COTL1: variants seen among roughly 807,000 people sequenced by gnomAD.
The protein encoded by COTL1 is coactosin like F-actin binding protein 1, also known as coactosin-like protein.
COTL1 carries 15 observed loss-of-function variants against 16.5 expected under a neutral mutation model. The ratio of observed to expected loss-of-function variants is 0.91; its 90% CI spans 0.61 to 1.40. The LOEUF is 1.40. Among genes scored for constraint, COTL1 ranks in the 40% most tolerant of loss-of-function variants. The probability of loss-of-function intolerance (pLI) is 0.00; values close to 1 mark genes in which losing one functional copy is unlikely to be tolerated. For missense variants in COTL1, 220 were observed against 201.5 expected, an observed-to-expected ratio of 1.09 and a Z score of -0.56; for synonymous variants, 112 against 85.3, an observed-to-expected ratio of 1.31 and a Z score of -1.73.
intron 2 of COTL1, among the ~76,000 whole-genome samples, chr16:84,602,910 C>T (rs1905130331): frequency 6.6e-6 from 1 of 152,172 alleles, no homozygotes; most frequent in Non-Finnish European, 1.5e-5. Flanking sequence ...CTGGAGTCAG[C>T]GATGCCAGAG....
chr16:84,594,214 T>A (rs1351766134), intron 2 of COTL1, among the ~76,000 whole-genome samples: 1 of 149,340 alleles, frequency 6.7e-6, no homozygotes, highest in Non-Finnish European at 1.5e-5. Flanking sequence ...ATGGGGTGAT[T>A]TCACGCCTCC....
intron 3 of COTL1, chr16:84,575,831 A>C (rs1265122055): frequency 6.6e-6 from 1 of 152,242 alleles, no homozygotes; most frequent in Admixed American, 6.5e-5. Context: ...AAATGCGGAC[A>C]ATAGCAGCTT....
chr16:84,597,655 C>G lies in COTL1; in HGVS notation c.161-7393G>C, dbSNP rs192158769. ...GGTGGAGAAGAGGAAATGGTGAGAA[C>G]TCACTGTTGGGAGAGGGGACGAGAC... On this transcript the variant is annotated intron_variant, in intron 2 of 3. Transcript: ENST00000262428. Among the ~76,000 whole-genome samples the G allele has an allele frequency of 9.2e-5, 14 of 152,320 alleles. No homozygotes were observed. The East Asian group carries it at 1.9e-3, about 21-fold the overall frequency.
At chr16:84,570,721 G>C (rs1251219122) in intron 3 of COTL1, among the ~76,000 whole-genome samples, 2 of 152,182 alleles carry the variant, frequency 1.3e-5, no homozygotes, top group African/African-American at 4.8e-5. Flanking sequence ...AAATAGAATG[G>C]AAGGTTATTT....
rs979881705 is a variant in COTL1 at position 84,618,012 on chromosome 16, C to A, written c.-98G>T. 401 of 717,544 alleles carry A rather than the reference C, an allele frequency of 5.6e-4. 2 individuals are homozygous for A. The highest frequency in any genetic ancestry group is 2.6e-3 in the Admixed American group (50 of 19,414). 44.4% of individuals were successfully genotyped at this position (717,544 alleles called of 1,614,324 possible). A position where few individuals can be genotyped will look rare whatever the true frequency, so the allele number is the denominator to read the frequency against. Reference sequence around the variant, plus strand: ...GCGGCGGGTACGCGCCGAGGGCGCACGGGCTGGCGGCGGTGGCGACGGCTA... The same window carrying A: ...GCGGCGGGTACGCGCCGAGGGCGCAAGGGCTGGCGGCGGTGGCGACGGCTA... On this transcript the variant is annotated 5_prime_UTR_variant, in exon 1 of 4. Transcript: ENST00000262428.
At chr16:84,617,095 C>A (rs1009068836) in intron 2 of COTL1, among the ~76,000 whole-genome samples, 1 of 152,160 alleles carries the variant, frequency 6.6e-6, no homozygotes, top group African/African-American at 2.4e-5. Flanking sequence ...AAGGAGGGCG[C>A]GGCTGAGTTT....
intron 3 of COTL1, among the ~76,000 whole-genome samples, chr16:84,584,033 C>G (rs139019596): frequency 6.6e-6 from 1 of 152,204 alleles, no homozygotes; most frequent in Admixed American, 6.5e-5. Flanking sequence ...ATCAAGAGAG[C>G]CTGGCCCTGG....
At position 84,590,378 on chromosome 16, in the gene COTL1, T is replaced by C; in HGVS notation, c.161-116A>G. ...CTGGAGCAGCACAGCAGGAGACCGGTGCAGTTCCCTGGGAGCACCATGTGC... is the reference window on the plus strand; with the variant it reads ...CTGGAGCAGCACAGCAGGAGACCGGCGCAGTTCCCTGGGAGCACCATGTGC... On this transcript the variant is annotated intron_variant, in intron 2 of 3. Transcript: ENST00000262428. The surrounding 1 kb of genome is among the most constrained non-coding windows in gnomAD (Gnocchi z 5.5). 1.6e-6 allele frequency: 2 copies of C among 1,220,440 alleles called. No homozygotes were observed. The highest frequency in any genetic ancestry group is 2.3e-6 in the Non-Finnish European group (2 of 874,524). 75.6% of individuals were successfully genotyped at this position (1,220,440 alleles called of 1,614,324 possible).
chr16:84,596,221 G>A (rs1049344736), intron 2 of COTL1: 2 of 152,274 alleles, frequency 1.3e-5, no homozygotes, highest in African/African-American at 4.8e-5. Context: ...TCCTTCTGCT[G>A]GAGCCCTCAG....
chr16:84,599,555 C>A (rs1905071611), intron 2 of COTL1, among the ~76,000 whole-genome samples: 1 of 152,120 alleles, frequency 6.6e-6, no homozygotes, highest in Non-Finnish European at 1.5e-5. Context: ...ATGTCATAGG[C>A]ACCTTATACG....
At chr16:84,569,771 A>G (rs1332170772) in intron 3 of COTL1, among the ~76,000 whole-genome samples, 3 of 152,224 alleles carry the variant, frequency 2.0e-5, no homozygotes, top group Non-Finnish European at 2.9e-5. Flanking sequence ...GCCAGAAAGG[A>G]GAATTGAGAA....
chr16:84,567,177 G>A (rs1197104995), intron 3 of COTL1: 5 of 505,504 alleles, frequency 9.9e-6, no homozygotes, highest in African/African-American at 1.9e-5. Flanking sequence ...GGAGGAGGGA[G>A]TGGGGCAGAT....
chr16:84,595,726 G>A (rs756694089), intron 2 of COTL1: 11 of 152,176 alleles, frequency 7.2e-5, no homozygotes, highest in Non-Finnish European at 1.0e-4. Context: ...TGTGATATGT[G>A]TGTGCGTATA....
rs1322930371 is a variant in COTL1 at position 84,567,003 on chromosome 16, C to T, written c.319-48G>A. ...AGCGTTCCTATTAAGAAGGAAGGCA[C>T]AGGATGTGAGGGTGGCTCAGGCAAC... On this transcript the variant is annotated intron_variant, in intron 3 of 3. Coordinates refer to ENST00000262428, the MANE Select transcript of COTL1 (RefSeq NM_021149.5). 6.5e-6 allele frequency: 9 copies of T among 1,377,240 alleles called. No homozygotes were observed. In the Admixed American group the frequency reaches 1.2e-4, roughly 18 times the overall value. 85.3% of individuals were successfully genotyped at this position (1,377,240 alleles called of 1,614,324 possible).
intron 3 of COTL1, among the ~76,000 whole-genome samples, chr16:84,573,768 T>TACACACACAC (rs3086225): frequency 4.1e-5 from 6 of 146,140 alleles, no homozygotes; most frequent in African/African-American, 7.6e-5. Flanking sequence ...TATATATACA[T>TACACACACAC]ACACACACAC....
At chr16:84,602,111 T>C (rs1364836215) in intron 2 of COTL1, among the ~76,000 whole-genome samples, 2 of 152,038 alleles carry the variant, frequency 1.3e-5, no homozygotes, top group Non-Finnish European at 2.9e-5. Context: ...ACTCAATACA[T>C]ACTTCCCGAA....
chr16:84,578,920 C>T (rs1457334093), intron 3 of COTL1, among the ~76,000 whole-genome samples: 1 of 118,388 alleles, frequency 8.4e-6, no homozygotes, highest in Non-Finnish European at 1.6e-5. Flanking sequence ...TGCATGCATA[C>T]ACACAGATAC....
intron 3 of COTL1, chr16:84,568,158 C>G (rs746532685): frequency 5.9e-5 from 9 of 152,168 alleles, no homozygotes; most frequent in Non-Finnish European, 1.2e-4. Flanking sequence ...CCACCACACC[C>G]AGCTATTTTT....
At position 84,590,250 on chromosome 16, in the gene COTL1, A is replaced by C; in HGVS notation, c.173T>G (p.Leu58Trp). 1 of 1,614,052 alleles carries C rather than the reference A, an allele frequency of 6.2e-7. No homozygotes were observed. Among genetic ancestry groups the C allele is most frequent in the Non-Finnish European group, 8.5e-7 (1 of 1,179,914 alleles). The change falls in exon 3 of 4, where the codon TTG becomes TGG. Residue 58 changes from leucine (L) to tryptophan (W), a missense_variant. By Grantham distance (61) the Leu-to-Trp change is moderately conservative. Coordinates refer to ENST00000262428, the MANE Select transcript of COTL1 (RefSeq NM_021149.5). This position sits in a 1 kb window ranked among gnomAD's most constrained non-coding sequence, Gnocchi z 5.5. ...GGTGGTGAAGCGCACGAAGGCAAACAACCGGACGTCATCTGTGGCCAAAAG... is the reference window on the plus strand; with the variant it reads ...GGTGGTGAAGCGCACGAAGGCAAACCACCGGACGTCATCTGTGGCCAAAAG... ...FIQQCTDDVRLFAFVRFTTGD... is the reference protein window; with the variant it reads ...FIQQCTDDVRWFAFVRFTTGD...
Sources: gnomAD v4.1 joint callset for allele counts (sites outside exome capture counted in the v4.1 genomes callset) on GRCh38, gnomAD v4.1.1 for gene constraint, Gnocchi (gnomAD v3.1) non-coding constraint, MANE v1.5 for transcripts, NCBI Gene and HGNC (gene_info 2026-07-23, HGNC 2026-07-21) for gene names.